METTL24: variants seen among roughly 807,000 people sequenced by gnomAD.
METTL24 encodes probable methyltransferase-like protein 24.
Under a neutral mutation model 32.7 loss-of-function variants are expected in METTL24, and 29 were observed. The ratio of observed to expected loss-of-function variants is 0.89; its 90% CI spans 0.66 to 1.21. METTL24 has a LOEUF of 1.21. Ranked by LOEUF, METTL24 falls within the 50% of genes most tolerant of loss-of-function variation. METTL24 has a pLI of 0.00. For missense variants in METTL24, 439 were observed against 468.1 expected (o/e 0.94, Z 0.57); for synonymous variants, 163 against 179.5 (o/e 0.91, Z 0.73).
At chr6:110,280,742 T>C (rs1771123191) in intron 4 of METTL24, among the ~76,000 whole-genome samples, 1 of 151,974 alleles carries the variant, frequency 6.6e-6, no homozygotes, top group Admixed American at 6.6e-5. Context: ...ACTACAGCAT[T>C]GGCCTCTTGG....
intron 1 of METTL24, among the ~76,000 whole-genome samples, chr6:110,330,402 G>A (rs983153310): frequency 6.6e-6 from 1 of 152,202 alleles, no homozygotes; most frequent in African/African-American, 2.4e-5. Context: ...AGGCAAAGCA[G>A]GGGTAAAAGC....
intron 4 of METTL24, among the ~76,000 whole-genome samples, chr6:110,267,496 A>G (rs1770877071): frequency 6.6e-6 from 1 of 152,352 alleles, no homozygotes; most frequent in East Asian, 1.9e-4. Context: ...TAGACAATTT[A>G]CTTGCAGAAA....
chr6:110,303,426 C>T (rs1377737641), intron 3 of METTL24, among the ~76,000 whole-genome samples: 3 of 152,200 alleles, frequency 2.0e-5, no homozygotes, highest in Non-Finnish European at 2.9e-5. Context: ...TTGAAATTCT[C>T]GCTGCTAGCA....
intron 2 of METTL24, among the ~76,000 whole-genome samples, chr6:110,321,172 G>T (rs1162924367): frequency 6.6e-6 from 1 of 152,280 alleles, no homozygotes; most frequent in Admixed American, 6.5e-5. Context: ...GGGAGGCAGA[G>T]GTTGTAGTGA....
chr6:110,274,336 G>A (rs781396055), intron 4 of METTL24, among the ~76,000 whole-genome samples: 2 of 152,034 alleles, frequency 1.3e-5, no homozygotes, highest in Admixed American at 6.6e-5. Flanking sequence ...CAGGTGATCC[G>A]CTTGCCTCGG....
chr6:110,317,926 A>G (rs981649020), intron 2 of METTL24, among the ~76,000 whole-genome samples: 2 of 152,126 alleles, frequency 1.3e-5, no homozygotes, highest in African/African-American at 4.8e-5. Context: ...TTTTATGCAG[A>G]TGGCCTTTTG....
chr6:110,288,809 A>G (rs1412647358), intron 4 of METTL24, among the ~76,000 whole-genome samples: 4 of 152,174 alleles, frequency 2.6e-5, no homozygotes. Flanking sequence ...TGCATCTCCT[A>G]CAGGACATAG....
At chr6:110,294,456 A>G (rs1771375082) in intron 4 of METTL24, among the ~76,000 whole-genome samples, 1 of 151,968 alleles carries the variant, frequency 6.6e-6, no homozygotes, top group African/African-American at 2.4e-5. Context: ...AACCATGAAG[A>G]ATAGAAATAT....
rs921510805 is a variant in METTL24 at position 110,338,098 on chromosome 6, G to A, written c.319-15226C>T. On this transcript the variant is annotated intron_variant, in intron 1 of 4. Coordinates refer to ENST00000338882, the MANE Select transcript of METTL24 (RefSeq NM_001123364.3). ...AGGGCTGAGGACAATTTGTTTTAAT[G>A]ACTTTGGAAGAAAGCAGGGAAATTC... is the stretch of plus-strand genomic sequence containing the variant. Among the ~76,000 whole-genome samples the A allele has an allele frequency of 5.3e-5, 8 of 152,186 alleles. No individual in the cohort carries two copies. The East Asian group carries it at 1.3e-3, about 26-fold the overall frequency.
chr6:110,258,740 G>A (rs1401133437), intron 4 of METTL24, among the ~76,000 whole-genome samples: 1 of 151,676 alleles, frequency 6.6e-6, no homozygotes, highest in African/African-American at 2.4e-5. Context: ...TAGTGATAGG[G>A]ATTCCACATC....
intron 4 of METTL24, among the ~76,000 whole-genome samples, chr6:110,286,646 G>T (rs373267423): frequency 6.6e-6 from 1 of 152,160 alleles, no homozygotes. Context: ...ACACCTCAAA[G>T]AAAACATCAC....
chr6:110,352,597 T>C (rs1376353792), intron 1 of METTL24, among the ~76,000 whole-genome samples: 4 of 151,854 alleles, frequency 2.6e-5, no homozygotes, highest in Non-Finnish European at 5.9e-5. Context: ...TCATATCTTT[T>C]TTTTTTTTTT....
intron 1 of METTL24, among the ~76,000 whole-genome samples, chr6:110,329,072 A>G (rs1182484089): frequency 6.6e-6 from 1 of 152,242 alleles, no homozygotes; most frequent in African/African-American, 2.4e-5. Context: ...GGATGAAATT[A>G]TATGATGACT....
At chr6:110,297,565 T>G (rs967631242) in intron 4 of METTL24, among the ~76,000 whole-genome samples, 4 of 152,190 alleles carry the variant, frequency 2.6e-5, no homozygotes, top group Non-Finnish European at 4.4e-5. Flanking sequence ...ACTCTTTGAA[T>G]AATCTAAAGT....
chr6:110,306,563 A>T (rs1771631437), intron 3 of METTL24, among the ~76,000 whole-genome samples: 1 of 152,066 alleles, frequency 6.6e-6, no homozygotes, highest in African/African-American at 2.4e-5. Flanking sequence ...ACATAAAACT[A>T]TTTGTAATTT....
rs1778116098 is a variant in METTL24 at position 110,244,649 on chromosome 6, G to T, written c.*1297C>A. ...CAGGAAGGAGAAAAATGAGAGCCAA[G>T]TGAAGGGGGACACCTCTTATAAAAC... On this transcript the variant is annotated 3_prime_UTR_variant, in exon 5 of 5. Transcript: ENST00000338882. Among the ~76,000 whole-genome samples the T allele has an allele frequency of 6.6e-6, 1 of 152,124 alleles. No homozygotes were observed. The highest frequency in any genetic ancestry group is 6.5e-5 in the Admixed American group (1 of 15,272).
chr6:110,354,464 T>C (rs914385781), intron 1 of METTL24, among the ~76,000 whole-genome samples: 10 of 152,230 alleles, frequency 6.6e-5, no homozygotes, highest in African/African-American at 1.2e-4. Context: ...AATGGAACTT[T>C]TTCTCCTTTA....
chr6:110,302,517 A>G (rs1309550823), intron 3 of METTL24, among the ~76,000 whole-genome samples: 2 of 122,872 alleles, frequency 1.6e-5, no homozygotes, highest in African/African-American at 8.2e-5. Flanking sequence ...ATATACACAC[A>G]CATATGTGTA....
At chr6:110,276,151 TC>T (rs1771043452) in intron 4 of METTL24, among the ~76,000 whole-genome samples, 1 of 152,154 alleles carries the variant, frequency 6.6e-6, no homozygotes, top group Non-Finnish European at 1.5e-5. Context: ...TTACATGATT[TC>T]CTAGGTGTGG....
Sources: gnomAD v4.1 joint callset for allele counts (sites outside exome capture counted in the v4.1 genomes callset) on GRCh38, gnomAD v4.1.1 for gene constraint, MANE v1.5 for transcripts, NCBI Gene and HGNC (gene_info 2026-07-23, HGNC 2026-07-21) for gene names.